Variants in ANO1 observed in about 807,000 individuals in gnomAD.
The protein encoded by ANO1 is anoctamin-1.
A neutral mutation model predicts 124.0 loss-of-function variants in ANO1; 59 were observed. The observed-to-expected ratio is 0.48, with a 90% confidence interval of 0.39 to 0.59. ANO1 has a LOEUF of 0.59. Ranked by LOEUF, ANO1 falls within the 20% of genes least tolerant of loss-of-function variation. The pLI is 0.00. For missense variants in ANO1, 1,059 were observed against 1,328.0 expected, an observed-to-expected ratio of 0.80 and a Z score of 3.15; for synonymous variants, 529 against 532.0, an observed-to-expected ratio of 0.99 and a Z score of 0.08.
At chr11:70,173,195 G>GC (rs986498926) in intron 22 of ANO1, among the ~76,000 whole-genome samples, 48 of 152,188 alleles carry the variant, frequency 3.2e-4, no homozygotes, top group African/African-American at 1.1e-3. Flanking sequence ...CCATCAGATA[G>GC]CAGTGATTCA....
intron 16 of ANO1, among the ~76,000 whole-genome samples, chr11:70,157,550 C>T (rs1449407031): frequency 1.3e-5 from 2 of 152,078 alleles, no homozygotes; most frequent in Non-Finnish European, 2.9e-5. Flanking sequence ...CCAGTGGGGG[C>T]TTCACACGCC....
chr11:69,980,343 G>A, the ANO1 span, among the ~76,000 whole-genome samples: 1 of 152,164 alleles, frequency 6.6e-6, no homozygotes, highest in Non-Finnish European at 1.5e-5. Flanking sequence ...AGTTGTAGGG[G>A]CCAGGCATGG....
intron 1 of ANO1, among the ~76,000 whole-genome samples, chr11:70,059,532 C>T (rs1311148030): frequency 2.0e-5 from 3 of 152,052 alleles, no homozygotes; most frequent in East Asian, 1.9e-4. Flanking sequence ...CTCAAATTTA[C>T]GGACACGGGG....
At chr11:70,164,470 CCT>C (rs990877442) in intron 19 of ANO1, among the ~76,000 whole-genome samples, 7 of 152,140 alleles carry the variant, frequency 4.6e-5, no homozygotes, top group African/African-American at 1.2e-4. Flanking sequence ...ATGATGATCC[CCT>C]GTCACACTCG....
At chr11:70,125,929 A>T in intron 9 of ANO1, 132 bp from the exon 10 acceptor site, 1 of 1,151,824 alleles carries the variant, frequency 8.7e-7, no homozygotes, top group Non-Finnish European at 1.2e-6. Flanking sequence ...CCAGGACCCC[A>T]CTCTCTGCTT....
At chr11:70,077,474 C>G (rs1035725679), upstream of ANO1, among the ~76,000 whole-genome samples, 7 of 152,286 alleles carry the variant, frequency 4.6e-5, no homozygotes, top group East Asian at 7.7e-4. Flanking sequence ...ATGGTCGTCC[C>G]CTGGGGACCT....
At chr11:70,160,137 T>C (rs2135702382) in intron 16 of ANO1, among the ~76,000 whole-genome samples, 1 of 152,208 alleles carries the variant, frequency 6.6e-6, no homozygotes, top group East Asian at 1.9e-4. Flanking sequence ...CCTGTGACTG[T>C]GCCAGCAGGG....
intron 1 of ANO1, among the ~76,000 whole-genome samples, chr11:70,054,313 T>C (rs572578335): frequency 2.0e-5 from 3 of 152,314 alleles, no homozygotes; most frequent in African/African-American, 7.2e-5. Flanking sequence ...GTTTGTCCTT[T>C]CAAAGGCAAG....
chr11:70,027,802 G>A (rs1591043680), intron 1 of ANO1, among the ~76,000 whole-genome samples: 1 of 152,292 alleles, frequency 6.6e-6, no homozygotes, highest in Middle Eastern at 3.4e-3. Context: ...TCTTGCTAGT[G>A]GGGAAAGGTG....
intron 11 of ANO1, among the ~76,000 whole-genome samples, chr11:70,134,692 C>T (rs2046885989): frequency 6.6e-6 from 1 of 152,140 alleles, no homozygotes; most frequent in African/African-American, 2.4e-5. Flanking sequence ...AGGATGTGCA[C>T]GTGCCTGGTG....
chr11:70,087,169 T>A (rs1192083351), intron 1 of ANO1, among the ~76,000 whole-genome samples: 1 of 152,202 alleles, frequency 6.6e-6, no homozygotes, highest in African/African-American at 2.4e-5. Context: ...GGTGTATATA[T>A]TTATGGGGTA....
intron 7 of ANO1, 151 bp from the exon 8 acceptor site, chr11:70,116,307 C>G (rs2135430234): frequency 2.3e-6 from 2 of 856,616 alleles, no homozygotes; most frequent in Non-Finnish European, 3.6e-6. Context: ...ACCTGGGCAA[C>G]CCTCACACTC....
chr11:70,028,095 C>T lies in ANO1; in HGVS notation c.58+41929C>T, dbSNP rs74922152. Among the ~76,000 whole-genome samples, 388 of 152,136 alleles carry T rather than the reference C, an allele frequency of 2.6e-3. 13 individuals carry two copies. The East Asian group carries it at 0.065, about 25-fold the overall frequency. On this transcript the variant is annotated intron_variant, in intron 1 of 27. Coordinates refer to the ANO1 transcript ENST00000531349. The stretch of plus-strand genomic sequence containing the variant: ...TGATTTCCCTCAGAAGAAATAGATC[C>T]GAATAAGCGCCAATTCTGGTTGCCA...
At chr11:70,041,478 C>G (rs554957840) in intron 1 of ANO1, among the ~76,000 whole-genome samples, 10 of 152,336 alleles carry the variant, frequency 6.6e-5, no homozygotes, top group Admixed American at 6.5e-4. Flanking sequence ...CCTCTAGACT[C>G]ACACACACAT....
chr11:70,160,649 G>C (rs557332933), intron 16 of ANO1, among the ~76,000 whole-genome samples: 1 of 152,208 alleles, frequency 6.6e-6, no homozygotes, highest in African/African-American at 2.4e-5. Context: ...GTCCCTGGGA[G>C]GTGGCTGTGA....
the ANO1 span, among the ~76,000 whole-genome samples, chr11:69,978,149 G>A: frequency 1.3e-5 from 2 of 152,270 alleles, no homozygotes; most frequent in Non-Finnish European, 2.9e-5. Flanking sequence ...AAGAACCCAC[G>A]TAACTCTGAG....
At chr11:70,066,274 C>G (rs1175647713) in intron 1 of ANO1, among the ~76,000 whole-genome samples, 6 of 152,192 alleles carry the variant, frequency 3.9e-5, no homozygotes, top group Non-Finnish European at 7.3e-5. Context: ...CCGAGCTGCC[C>G]TCGTGGGCAC....
chr11:70,187,104 G>A (rs10898833), intron 25 of ANO1, among the ~76,000 whole-genome samples: 28,369 of 152,110 alleles, frequency 0.19, 3,081 homozygotes, highest in African/African-American at 0.29. Flanking sequence ...GCAGCTGCGA[G>A]CGTGAGCAGC....
chr11:70,019,001 A>G lies in ANO1; in HGVS notation c.58+32835A>G, dbSNP rs554266231. On this transcript the variant is annotated intron_variant, in intron 1 of 27. Transcript: ENST00000531349. ...GGGAGAAAATCCTGCGGCAATAAGT[A>G]CGCAAAGTCCATGGCATTGTGCAGC... Among the ~76,000 whole-genome samples, 14 of 152,320 alleles carry G rather than the reference A, an allele frequency of 9.2e-5. No homozygotes were observed. In the South Asian group the frequency reaches 2.9e-3, roughly 32 times the overall value.
Sources: gnomAD v4.1 joint callset for allele counts (sites outside exome capture counted in the v4.1 genomes callset) on GRCh38, gnomAD v4.1.1 for gene constraint, MANE v1.5 for transcripts, NCBI Gene and HGNC (gene_info 2026-07-23, HGNC 2026-07-21) for gene names.